The following CPNE4 variants were observed in gnomAD, a reference collection of about 807,000 sequenced individuals.
CPNE4 encodes copine-4.
A neutral mutation model predicts 67.9 loss-of-function variants in CPNE4; 25 were observed. The observed-to-expected ratio is 0.37, with a 90% CI of 0.27 to 0.51. The LOEUF (loss-of-function observed/expected upper bound fraction) is 0.51. CPNE4 is among the 20% of genes least tolerant of loss of function. The pLI is 0.93. For missense variants in CPNE4, 464 were observed against 690.8 expected (o/e 0.67, Z 3.68); for synonymous variants, 242 against 244.9 (o/e 0.99, Z 0.11).
chr3:132,003,551 C>G (rs945012216), intron 1 of CPNE4, among the ~76,000 whole-genome samples: 2 of 148,958 alleles, frequency 1.3e-5, no homozygotes, highest in African/African-American at 4.9e-5. Flanking sequence ...TCTACTACTT[C>G]TATGAAAAGC....
At chr3:131,774,374 GGA>G (rs2083245499) in intron 2 of CPNE4, among the ~76,000 whole-genome samples, 1 of 151,826 alleles carries the variant, frequency 6.6e-6, no homozygotes, top group Admixed American at 6.6e-5. Context: ...TGTAGACACA[GGA>G]GAGTGAGGAC....
At chr3:131,644,047 G>A (rs2079602487) in intron 7 of CPNE4, among the ~76,000 whole-genome samples, 1 of 152,118 alleles carries the variant, frequency 6.6e-6, no homozygotes, top group Non-Finnish European at 1.5e-5. Flanking sequence ...ACACACTTTT[G>A]GCATAGTCTG....
At chr3:131,669,419 A>G (rs901877260) in intron 7 of CPNE4, among the ~76,000 whole-genome samples, 1 of 152,108 alleles carries the variant, frequency 6.6e-6, no homozygotes, top group African/African-American at 2.4e-5. Context: ...ATTTATTGCC[A>G]TGGTTTTGTC....
intron 2 of CPNE4, among the ~76,000 whole-genome samples, chr3:131,739,455 G>A (rs1443599319): frequency 6.6e-6 from 1 of 152,132 alleles, no homozygotes; most frequent in Non-Finnish European, 1.5e-5. Context: ...TGTGCTTCCT[G>A]TTTCTAAGGA....
At chr3:131,775,729 C>T (rs1485593555) in intron 2 of CPNE4, among the ~76,000 whole-genome samples, 3 of 152,162 alleles carry the variant, frequency 2.0e-5, no homozygotes, top group Non-Finnish European at 4.4e-5. Context: ...AAACCTGTTT[C>T]TTTTGTAGAT....
chr3:131,956,331 G>A (rs567179579), intron 1 of CPNE4, among the ~76,000 whole-genome samples: 3 of 152,086 alleles, frequency 2.0e-5, no homozygotes, highest in Non-Finnish European at 2.9e-5. Context: ...TTGGCTTGAT[G>A]TATTTCTTAT....
intron 2 of CPNE4, among the ~76,000 whole-genome samples, chr3:131,781,973 A>T (rs1182394942): frequency 6.6e-6 from 1 of 152,090 alleles, no homozygotes; most frequent in Non-Finnish European, 1.5e-5. Flanking sequence ...GGTGCTCAAG[A>T]GTTGTCTGTT....
chr3:131,912,612 A>G (rs2089021013), intron 1 of CPNE4, among the ~76,000 whole-genome samples: 1 of 152,094 alleles, frequency 6.6e-6, no homozygotes, highest in South Asian at 2.1e-4. Context: ...GTGTTATTCC[A>G]CTCAGACTTG....
At chr3:131,908,836 G>A (rs1966947) in intron 1 of CPNE4, among the ~76,000 whole-genome samples, 2 of 151,906 alleles carry the variant, frequency 1.3e-5, no homozygotes, top group Non-Finnish European at 2.9e-5. Context: ...CTTGGGCAGG[G>A]TATTTAACGT....
intron 2 of CPNE4, among the ~76,000 whole-genome samples, chr3:131,895,960 C>A (rs11923812): frequency 6.6e-6 from 1 of 151,914 alleles, no homozygotes; most frequent in South Asian, 2.1e-4. Flanking sequence ...GGGATCACGC[C>A]TATAATCCCA....
At chr3:131,653,341 G>A (rs547860371) in intron 7 of CPNE4, among the ~76,000 whole-genome samples, 47 of 151,666 alleles carry the variant, frequency 3.1e-4, no homozygotes, top group Non-Finnish European at 8.8e-5. Context: ...GTACAGATGG[G>A]GTTTCACCAT....
At chr3:131,981,587 C>A (rs890774599) in intron 1 of CPNE4, among the ~76,000 whole-genome samples, 2 of 152,048 alleles carry the variant, frequency 1.3e-5, no homozygotes, top group African/African-American at 4.8e-5. Flanking sequence ...AGATTTGTGC[C>A]CTCCCCCGAG....
intron 2 of CPNE4, among the ~76,000 whole-genome samples, chr3:131,866,903 G>A (rs1429997881): frequency 6.6e-6 from 1 of 152,148 alleles, no homozygotes; most frequent in African/African-American, 2.4e-5. Context: ...ACACAACAGA[G>A]AACACGTTGC....
chr3:132,035,817 A>G (rs1583628940), upstream of CPNE4, among the ~76,000 whole-genome samples: 1 of 152,344 alleles, frequency 6.6e-6, no homozygotes, highest in African/African-American at 2.4e-5. Flanking sequence ...GAATTAATGA[A>G]GTAAAGTGAA....
chr3:131,943,491 T>A (rs56151156), intron 1 of CPNE4, among the ~76,000 whole-genome samples: 27,947 of 152,096 alleles, frequency 0.18, 3,304 homozygotes, highest in African/African-American at 0.34. Context: ...GCAACTAATG[T>A]TTATATTACT....
chr3:131,736,405 A>G (rs1168059190), intron 2 of CPNE4, among the ~76,000 whole-genome samples: 1 of 151,762 alleles, frequency 6.6e-6, no homozygotes, highest in Non-Finnish European at 1.5e-5. Context: ...GCAGATCACC[A>G]GGTCAAGAGA....
At chr3:131,830,707 T>C (rs888475142) in intron 2 of CPNE4, among the ~76,000 whole-genome samples, 1 of 152,128 alleles carries the variant, frequency 6.6e-6, no homozygotes, top group African/African-American at 2.4e-5. Flanking sequence ...TATTATTATA[T>C]ATTATTTATT....
chr3:131,960,239 A>G (rs1047913512), intron 1 of CPNE4, among the ~76,000 whole-genome samples: 19 of 152,148 alleles, frequency 1.2e-4, no homozygotes, highest in African/African-American at 3.9e-4. Flanking sequence ...TCTTCTGACA[A>G]TGTTTATTTT....
intron 1 of CPNE4, among the ~76,000 whole-genome samples, chr3:132,028,428 T>C (rs1206467735): frequency 6.6e-6 from 1 of 152,198 alleles, no homozygotes; most frequent in Non-Finnish European, 1.5e-5. Context: ...TTATCCCCAG[T>C]GCCTAGCACA....
Sources: gnomAD v4.1 joint callset for allele counts (sites outside exome capture counted in the v4.1 genomes callset) on GRCh38, gnomAD v4.1.1 for gene constraint, MANE v1.5 for transcripts, NCBI Gene and HGNC (gene_info 2026-07-23, HGNC 2026-07-21) for gene names.